DDB1: variants seen among roughly 807,000 people sequenced by gnomAD.
DDB1 encodes the protein DNA damage-binding protein 1.
A neutral mutation model predicts 133.1 loss-of-function variants in DDB1; 18 were observed. The ratio of observed to expected loss-of-function variants is 0.14; its 90% confidence interval spans 0.09 to 0.20. The LOEUF is 0.20. DDB1 is among the 10% of genes least tolerant of loss of function. DDB1 has a pLI of 1.00. For missense variants in DDB1, 828 were observed against 1,459.2 expected, an observed-to-expected ratio of 0.57 and a Z score of 7.05; for synonymous variants, 580 against 550.5, an observed-to-expected ratio of 1.05 and a Z score of -0.75.
At chr11:61,307,168 G>A (rs1217443955) in intron 21 of DDB1, among the ~76,000 whole-genome samples, 1 of 152,186 alleles carries the variant, frequency 6.6e-6, no homozygotes, top group East Asian at 1.9e-4. Flanking sequence ...ATGCAGCAGT[G>A]TTTCCCAGCT....
At chr11:61,332,789 G>A (rs1379929808) in intron 1 of DDB1, 119 bp downstream of exon 1, 3 of 873,076 alleles carry the variant, frequency 3.4e-6, no homozygotes, top group Admixed American at 8.2e-5. Flanking sequence ...TCGGCCGCCA[G>A]CGCCTTCCAT....
intron 12 of DDB1, chr11:61,315,711 G>A (rs1356636978): frequency 6.6e-6 from 1 of 152,634 alleles, no homozygotes; most frequent in Non-Finnish European, 1.5e-5. Context: ...ATTGCTGAGG[G>A]GTGGAAGGGT....
Position 61,316,310 on chromosome 11 carries a change from T to A in DDB1, c.1385A>T (p.Asn462Ile), listed in dbSNP as rs756660357. 4 of 1,614,210 alleles carry A rather than the reference T, an allele frequency of 2.5e-6. No homozygotes were observed. Among genetic ancestry groups the A allele is most frequent in the South Asian group, 1.1e-5 (1 of 91,088 alleles). ...VDDQQTFFCG[N>I]VAHQQLIQIT... ...CTGGATAAGCTGCTGATGAGCCACG[T>A]TGCCACAGAAGAAAGTCTGCTGATC... Residue 462 changes from asparagine to isoleucine, a missense_variant, in exon 12 of 27, where the codon AAC (asparagine) becomes ATC (isoleucine). This residue lies in a region of DDB1 where 396 missense variants were observed against 554.1 expected (regional missense o/e 0.71). Coordinates refer to ENST00000301764, the MANE Select transcript of DDB1 (RefSeq NM_001923.5).
chr11:61,311,938 G>A, intron 17 of DDB1, 43 bp from the exon 18 acceptor site: 1 of 1,613,920 alleles, frequency 6.2e-7, no homozygotes, highest in Non-Finnish European at 8.5e-7. Context: ...TAGAAAGTCA[G>A]AAGCACCCTA....
rs371304850 is a variant in DDB1 at position 61,322,418 on chromosome 11, A to T, written c.1006-6T>A. Reference sequence around the variant, plus strand: ...TCATTACTGTCAACGTTGAGCTAATAAGAAAGAACAATGTTATGTTAGTCC... The same window carrying T: ...TCATTACTGTCAACGTTGAGCTAATTAGAAAGAACAATGTTATGTTAGTCC... On this transcript the variant is annotated splice_polypyrimidine_tract_variant and splice_region_variant and intron_variant, in intron 8 of 26. Coordinates refer to ENST00000301764, the MANE Select transcript of DDB1 (RefSeq NM_001923.5). 3.7e-6 allele frequency: 6 copies of T among 1,605,466 alleles called. No individual in the cohort carries two copies. The African/African-American group carries it at 8.0e-5, about 21-fold the overall frequency.
intron 10 of DDB1, among the ~76,000 whole-genome samples, chr11:61,317,869 C>A (rs866358857): frequency 7.9e-5 from 12 of 152,240 alleles, no homozygotes; most frequent in South Asian, 2.1e-4. Flanking sequence ...ACCCATCCCC[C>A]AAACAAGTAA....
At chr11:61,316,719 C>T in intron 10 of DDB1, 152 bp from the exon 11 acceptor site, 1 of 789,320 alleles carries the variant, frequency 1.3e-6, no homozygotes, top group Admixed American at 2.2e-5. Context: ...ACCAGGAGTT[C>T]TAGACCAGCC....
Position 61,300,227 on chromosome 11 carries a change from G to A in DDB1, c.3340-8C>T. ...ACCGCTGCCATCGTCATACTGCAAT[G>A]AGAAGATGGGCGGGGCTGTGAGGAC... On this transcript the variant is annotated splice_region_variant and splice_polypyrimidine_tract_variant and intron_variant, in intron 26 of 26. Coordinates refer to ENST00000301764, the MANE Select transcript of DDB1 (RefSeq NM_001923.5). 6.2e-7 allele frequency: 1 copy of A among 1,613,788 alleles called. No homozygotes were observed. The highest frequency in any genetic ancestry group is 8.5e-7 in the Non-Finnish European group (1 of 1,179,810).
chr11:61,312,219 A>C, intron 16 of DDB1, 135 bp from the exon 17 acceptor site: 1 of 720,544 alleles, frequency 1.4e-6, no homozygotes, highest in Non-Finnish European at 2.4e-6. Context: ...ACCTGGAGAG[A>C]CAGACAATTC....
rs1459589705 is a variant in DDB1, at chr11:61,314,463, C to G, written c.1434G>C (p.Leu478Phe). Residue 478 changes from leucine to phenylalanine, a missense_variant, in exon 13 of 27, where the codon TTG becomes TTC. Transcript: ENST00000301764. ...LIQITSASVR[L>F]VSQEPKALVS... ...CCAGAGCTTTGGGTTCTTGAGAGAC[C>G]AACCTCACCGATGCTGAAGTGATCT... 6.2e-7 allele frequency: 1 copy of G among 1,612,850 alleles called. No individual in the cohort carries two copies. Among genetic ancestry groups the G allele is most frequent in the Non-Finnish European group, 8.5e-7 (1 of 1,179,618 alleles).
chr11:61,320,057 T>C (rs1215665880), intron 10 of DDB1, among the ~76,000 whole-genome samples: 1 of 152,230 alleles, frequency 6.6e-6, no homozygotes, highest in Non-Finnish European at 1.5e-5. Context: ...TGTGTTTACA[T>C]GAAAGCTATT....
At chr11:61,317,007 C>G in intron 10 of DDB1, among the ~76,000 whole-genome samples, 6 of 109,944 alleles carry the variant, frequency 5.5e-5, no homozygotes, top group African/African-American at 1.2e-4. Context: ...ATAGACATGG[C>G]AGCCTGACAC....
At chr11:61,328,522 A>G (rs1270789191) in intron 4 of DDB1, among the ~76,000 whole-genome samples, 1 of 152,188 alleles carries the variant, frequency 6.6e-6, no homozygotes, top group Non-Finnish European at 1.5e-5. Flanking sequence ...TGGACCAGAG[A>G]ACAGCTGCCC....
chr11:61,315,811 G>A (rs1856053393), intron 12 of DDB1: 1 of 154,532 alleles, frequency 6.5e-6, no homozygotes, highest in African/African-American at 2.4e-5. Flanking sequence ...ATCAGAATAG[G>A]GTAAGCTTCG....
At chr11:61,325,297 CA>C (rs1218843047) in intron 6 of DDB1, among the ~76,000 whole-genome samples, 3 of 152,236 alleles carry the variant, frequency 2.0e-5, no homozygotes, top group Non-Finnish European at 4.4e-5. Context: ...ACGATCATGC[CA>C]CTGCATTCTA....
In DDB1 at chr11:61,321,777, G is replaced by A. The variant is rs562284551; in HGVS notation, c.1123-80C>T. The stretch of plus-strand genomic sequence containing the variant: ...TACTGATGCCCAGAAAGTAAACACG[G>A]TATACCTAAATCCAAGAACCTTTAT... On this transcript the variant is annotated intron_variant, in intron 9 of 26. Transcript: ENST00000301764. 211 of 1,244,048 alleles carry A rather than the reference G, an allele frequency of 1.7e-4. 2 individuals carry two copies. In the South Asian group the frequency reaches 2.5e-3, roughly 14 times the overall value. 77.1% of individuals were successfully genotyped at this position (1,244,048 alleles called of 1,614,324 possible). A position where few individuals can be genotyped will look rare whatever the true frequency, so the allele number is the denominator to read the frequency against.
chr11:61,302,272 T>C lies in DDB1; in HGVS notation c.3200A>G (p.Lys1067Arg). Residue 1067 changes from lysine to arginine, a missense_variant, in exon 25 of 27, where the codon AAG (lysine) becomes AGG (arginine). Lys to Arg is a conservative substitution (Grantham distance 26, BLOSUM62 2). Transcript: ENST00000301764. ...GGAAGGATATAAGGAGTGCTCGATC[T>C]TCCCCACACTTTTGATGACTTTATT... Reference protein sequence around the residue: ...RLNKVIKSVGKIEHSFWRSFH... With the variant: ...RLNKVIKSVGRIEHSFWRSFH... The C allele has an allele frequency of 6.2e-7, 1 of 1,614,220 alleles. No homozygotes were observed. Among genetic ancestry groups the C allele is most frequent in the Non-Finnish European group, 8.5e-7 (1 of 1,180,018 alleles).
intron 25 of DDB1, chr11:61,301,149 A>G (rs1855786219): frequency 1.5e-5 from 9 of 597,352 alleles, no homozygotes; most frequent in Admixed American, 3.2e-5. Context: ...TCTTCAAAAT[A>G]GTTTTTAAAA....
Position 61,313,981 on chromosome 11 carries a change from G to A in DDB1, c.1754-12C>T, listed in dbSNP as rs746105707. ...GCGAGGAATGATCTCTGTGAGAAAG[G>A]GGGACATTATGTTCTTGTTCCACAT... On this transcript the variant is annotated splice_polypyrimidine_tract_variant and intron_variant, in intron 14 of 26. Coordinates refer to ENST00000301764, the MANE Select transcript of DDB1 (RefSeq NM_001923.5). 4 of 1,614,124 alleles carry A rather than the reference G, an allele frequency of 2.5e-6. 1 individual carries two copies. The South Asian group carries it at 3.3e-5, about 13-fold the overall frequency.
Sources: allele counts gnomAD v4.1 joint callset (sites outside exome capture counted in the v4.1 genomes callset), GRCh38; gene constraint gnomAD v4.1.1; regional missense constraint gnomAD v4.1.1; transcripts MANE v1.5; gene names NCBI Gene and HGNC (gene_info 2026-07-23, HGNC 2026-07-21).